GKAP1: variants seen among roughly 807,000 people sequenced by gnomAD.
The protein encoded by GKAP1 is G kinase anchoring protein 1, also known as G kinase-anchoring protein 1.
A neutral mutation model predicts 56.7 loss-of-function variants in GKAP1; 31 were observed. The ratio of observed to expected loss-of-function variants is 0.55; its 90% CI spans 0.41 to 0.74. The LOEUF is 0.74. Ranked by LOEUF, GKAP1 falls within the 30% of genes least tolerant of loss-of-function variation. GKAP1 has a pLI of 0.00. For missense variants in GKAP1, 364 were observed against 402.3 expected (o/e 0.90, Z 0.82); for synonymous variants, 151 against 138.6 (o/e 1.09, Z -0.63).
At chr9:83,759,050 C>T (rs76812260) in intron 8 of GKAP1, among the ~76,000 whole-genome samples, 3,338 of 151,896 alleles carry the variant, frequency 0.022, 136 homozygotes, top group African/African-American at 0.076. Context: ...ATTTTATGTA[C>T]GACACATTAG....
chr9:83,775,308 T>C (rs1264135683), intron 7 of GKAP1, among the ~76,000 whole-genome samples: 4 of 152,168 alleles, frequency 2.6e-5, no homozygotes, highest in Non-Finnish European at 5.9e-5. Flanking sequence ...TGCCTGGCTC[T>C]GGGCTCGTCT....
At chr9:83,813,235 T>C (rs1434286101) in intron 2 of GKAP1, among the ~76,000 whole-genome samples, 2 of 152,242 alleles carry the variant, frequency 1.3e-5, no homozygotes, top group South Asian at 2.1e-4. Context: ...CTTCTATGCT[T>C]AGACATTTAT....
chr9:83,778,731 A>T lies in GKAP1; in HGVS notation c.585+1651T>A, dbSNP rs138020862. On this transcript the variant is annotated intron_variant, in intron 7 of 12. Transcript: ENST00000376371. ...CAAAAACAAAAATAAAGATAATGTG[A>T]ATTACATATTCTTATAACCAAATTC... 3.8e-3 allele frequency among the ~76,000 whole-genome samples: 572 copies of T among 152,286 alleles called. 9 individuals carry two copies. The highest frequency in any genetic ancestry group is 0.013 in the African/African-American group (537 of 41,580).
At chr9:83,813,522 G>A (rs1944540664) in intron 2 of GKAP1, among the ~76,000 whole-genome samples, 2 of 152,200 alleles carry the variant, frequency 1.3e-5, no homozygotes, top group Admixed American at 1.3e-4. Flanking sequence ...TTGGGAGACT[G>A]AAGCAGGAGA....
intron 8 of GKAP1, among the ~76,000 whole-genome samples, chr9:83,755,799 CT>C (rs34145592): frequency 0.027 from 3,338 of 124,424 alleles, 38 homozygotes; most frequent in African/African-American, 0.09. Context: ...CAAACTGGTA[CT>C]TTTTTTTTTT....
At chr9:83,805,275 C>T (rs573925538) in intron 3 of GKAP1, among the ~76,000 whole-genome samples, 39 of 152,000 alleles carry the variant, frequency 2.6e-4, no homozygotes, top group African/African-American at 8.5e-4. Context: ...GCAGCATGCT[C>T]GTTAAGAATC....
rs1022306261 is a variant in GKAP1, at chr9:83,800,129, T to G, written c.217-801A>C. Among the ~76,000 whole-genome samples the G allele has an allele frequency of 3.3e-5, 5 of 152,114 alleles. 1 individual carries two copies. In the South Asian group the frequency reaches 8.3e-4, roughly 25 times the overall value. On this transcript the variant is annotated intron_variant, in intron 3 of 12. Coordinates refer to ENST00000376371, the MANE Select transcript of GKAP1 (RefSeq NM_025211.4). ...AGTAACATAATCAACTAAAACAGTA[T>G]GGGCCAAGCCACTCCCAACAATAAA...
intron 3 of GKAP1, among the ~76,000 whole-genome samples, chr9:83,804,944 G>A (rs1347248496): frequency 1.3e-5 from 2 of 152,050 alleles, no homozygotes; most frequent in Non-Finnish European, 2.9e-5. Flanking sequence ...CCCTCTGCCC[G>A]GCCACCACCC....
chr9:83,814,046 C>T (rs1215503345), intron 2 of GKAP1, among the ~76,000 whole-genome samples: 6 of 151,840 alleles, frequency 4.0e-5, no homozygotes, highest in Non-Finnish European at 8.8e-5. Context: ...CTGTAGTGAG[C>T]AGTGATTGTG....
chr9:83,785,536 T>C (rs1944050018), intron 5 of GKAP1, among the ~76,000 whole-genome samples: 1 of 152,214 alleles, frequency 6.6e-6, no homozygotes, highest in Middle Eastern at 3.2e-3. Context: ...AAGTACCTTG[T>C]TATGCCACCA....
intron 8 of GKAP1, among the ~76,000 whole-genome samples, chr9:83,762,851 G>C (rs967331921): frequency 2.0e-5 from 3 of 152,296 alleles, no homozygotes; most frequent in African/African-American, 7.2e-5. Flanking sequence ...TCCATCTGCA[G>C]AAGAATGAAA....
intron 6 of GKAP1, among the ~76,000 whole-genome samples, chr9:83,784,465 T>C (rs1168521127): frequency 6.6e-6 from 1 of 152,168 alleles, no homozygotes; most frequent in Admixed American, 6.5e-5. Context: ...TGCTGGCATC[T>C]TGATATTGGA....
intron 7 of GKAP1, among the ~76,000 whole-genome samples, chr9:83,775,933 A>G (rs1943854390): frequency 6.6e-6 from 1 of 151,756 alleles, no homozygotes; most frequent in Non-Finnish European, 1.5e-5. Context: ...AAATGAATCT[A>G]TCAAACCTCA....
In GKAP1 at chr9:83,741,997, T is replaced by G; in HGVS notation, c.1008A>C (p.Glu336Asp). The change falls in exon 12 of 13, where the codon GAA (glutamate) becomes GAC (aspartate). Residue 336 changes from glutamate (E) to aspartate (D), a missense_variant. Glu to Asp is a conservative substitution (Grantham distance 45). Transcript: ENST00000376371. ...CTTGTAATACTTTCACTTTAGATCT[T>G]TCTTGTTCTAATGCAGCATGAAGTG... ...VTSLHAALEQ[E>D]RSKVKVLQAE... The G allele has an allele frequency of 6.3e-7, 1 of 1,592,590 alleles. No individual in the cohort carries two copies. The highest frequency in any genetic ancestry group is 8.5e-7 in the Non-Finnish European group (1 of 1,173,034).
chr9:83,788,852 C>T (rs564533402), intron 4 of GKAP1, 174 bp from the exon 5 acceptor site: 25 of 393,490 alleles, frequency 6.4e-5, no homozygotes, highest in African/African-American at 3.7e-4. Flanking sequence ...CTATAGAAGA[C>T]ATCAAAATAC....
rs560500681 is a variant in GKAP1, at chr9:83,776,472, G to A, written c.585+3910C>T. 7.2e-5 allele frequency among the ~76,000 whole-genome samples: 11 copies of A among 152,242 alleles called. No individual in the cohort carries two copies. In the South Asian group the frequency reaches 2.3e-3, roughly 32 times the overall value. On this transcript the variant is annotated intron_variant, in intron 7 of 12. Transcript: ENST00000376371. ...CCCACTTTGGGAGGCCGAGGCAGGT[G>A]GATCACGAGGTCAAGAGATAGAGAC...
intron 2 of GKAP1, among the ~76,000 whole-genome samples, chr9:83,807,490 T>G (rs778134123): frequency 2.1e-4 from 32 of 152,228 alleles, no homozygotes; most frequent in Non-Finnish European, 3.5e-4. Flanking sequence ...TTGAAATGTT[T>G]CAGGTAAAAA....
chr9:83,774,329 C>T (rs975788663), intron 7 of GKAP1, among the ~76,000 whole-genome samples: 7 of 151,776 alleles, frequency 4.6e-5, no homozygotes, highest in East Asian at 2.0e-4. Context: ...AGGTCAGGCA[C>T]GGTGGCTCAC....
intron 2 of GKAP1, among the ~76,000 whole-genome samples, chr9:83,811,415 CTA>C (rs1287735588): frequency 6.6e-6 from 1 of 152,134 alleles, no homozygotes; most frequent in East Asian, 1.9e-4. Flanking sequence ...ACAGTTGAGA[CTA>C]TATCTTAAAT....
Sources: gnomAD v4.1 joint callset for allele counts (sites outside exome capture counted in the v4.1 genomes callset) on GRCh38, gnomAD v4.1.1 for gene constraint, MANE v1.5 for transcripts, NCBI Gene and HGNC (gene_info 2026-07-23, HGNC 2026-07-21) for gene names.